Variants in SCP2 observed in about 807,000 individuals in gnomAD.
SCP2 encodes SCP-2/3-oxoacyl-CoA thiolase.
A neutral mutation model predicts 71.4 loss-of-function variants in SCP2; 48 were observed. The observed-to-expected ratio is 0.67, with a 90% CI of 0.53 to 0.86. SCP2 has a LOEUF of 0.86. Ranked by LOEUF, SCP2 falls within the 40% of genes least tolerant of loss-of-function variation. SCP2 has a pLI of 0.00. For synonymous variants in SCP2, 220 were observed against 218.1 expected, an observed-to-expected ratio of 1.01 and a Z score of -0.08; for missense variants, 560 against 655.6, an observed-to-expected ratio of 0.85 and a Z score of 1.59.
At chr1:52,933,936 A>G (rs908391083) in intron 1 of SCP2, among the ~76,000 whole-genome samples, 1 of 152,266 alleles carries the variant, frequency 6.6e-6, no homozygotes, top group African/African-American at 2.4e-5. Context: ...GCACCAAACT[A>G]GTAGTCACTA....
At chr1:52,973,220 C>G (rs2150160566) in intron 6 of SCP2, among the ~76,000 whole-genome samples, 1 of 152,324 alleles carries the variant, frequency 6.6e-6, no homozygotes, top group South Asian at 2.1e-4. Context: ...ATGCTTCATA[C>G]TTTAATCCTC....
intron 13 of SCP2, among the ~76,000 whole-genome samples, chr1:53,030,020 C>T (rs959610873): frequency 5.3e-5 from 8 of 152,102 alleles, no homozygotes; most frequent in African/African-American, 1.4e-4. Context: ...TCCCGAGTAG[C>T]TGGCATTACA....
intron 1 of SCP2, among the ~76,000 whole-genome samples, chr1:52,939,869 C>T (rs1654062167): frequency 6.6e-6 from 1 of 152,028 alleles, no homozygotes; most frequent in Non-Finnish European, 1.5e-5. Flanking sequence ...AGGGTTTCAT[C>T]ATGTTGACCA....
intron 15 of SCP2, chr1:53,050,129 C>T (rs1664111490): frequency 6.2e-6 from 1 of 160,084 alleles, no homozygotes; most frequent in Non-Finnish European, 1.4e-5. Flanking sequence ...GTAACACAAG[C>T]ACCTCATTCT....
At chr1:53,014,146 C>T (rs1661176099) in intron 11 of SCP2, among the ~76,000 whole-genome samples, 1 of 149,984 alleles carries the variant, frequency 6.7e-6, no homozygotes, top group African/African-American at 2.5e-5. Context: ...ACCTCGTGAT[C>T]TGCCCTCCTC....
chr1:53,017,589 A>C (rs369696616), intron 12 of SCP2, among the ~76,000 whole-genome samples: 2 of 152,140 alleles, frequency 1.3e-5, no homozygotes, highest in African/African-American at 4.8e-5. Context: ...TTGCTTACCC[A>C]TTCTTTGGTT....
chr1:52,994,219 G>C (rs1295422027), intron 11 of SCP2: 3 of 1,018,808 alleles, frequency 2.9e-6, no homozygotes, highest in Non-Finnish European at 3.5e-6. Flanking sequence ...TATTCCTGTG[G>C]TATGGTCACT....
chr1:52,987,993 T>C (rs746653218), intron 10 of SCP2, 36 bp from the exon 11 acceptor site: 3 of 1,018,284 alleles, frequency 2.9e-6, no homozygotes, highest in Admixed American at 1.7e-5. Context: ...CTATTGTTAC[T>C]ATTAATATTT....
intron 11 of SCP2, among the ~76,000 whole-genome samples, chr1:52,990,066 A>G (rs1443278922): frequency 1.3e-5 from 2 of 152,222 alleles, no homozygotes; most frequent in African/African-American, 2.4e-5. Flanking sequence ...ATTTAAGGAC[A>G]TCTCTGTCCA....
chr1:52,991,058 A>G (rs1331872211), intron 11 of SCP2, among the ~76,000 whole-genome samples: 1 of 152,176 alleles, frequency 6.6e-6, no homozygotes, highest in African/African-American at 2.4e-5. Flanking sequence ...AAAGTGATAT[A>G]TATGTAAGGG....
chr1:52,955,858 A>G (rs1248724831), intron 5 of SCP2, among the ~76,000 whole-genome samples: 2 of 152,196 alleles, frequency 1.3e-5, no homozygotes, highest in East Asian at 3.8e-4. Context: ...AAGACCGCCA[A>G]AACTAGATTT....
At chr1:53,044,674 T>C (rs1663673511) in intron 14 of SCP2, among the ~76,000 whole-genome samples, 1 of 152,214 alleles carries the variant, frequency 6.6e-6, no homozygotes, top group Non-Finnish European at 1.5e-5. Context: ...TTTGAGCTAA[T>C]TCTTAATGAG....
intron 11 of SCP2, among the ~76,000 whole-genome samples, chr1:53,001,818 C>T (rs1230094840): frequency 6.6e-6 from 1 of 152,158 alleles, no homozygotes; most frequent in Non-Finnish European, 1.5e-5. Context: ...AACTCCTATA[C>T]TTTCTCAGTA....
intron 11 of SCP2, chr1:52,995,131 A>T: frequency 2.0e-6 from 1 of 497,732 alleles, no homozygotes; most frequent in South Asian, 1.6e-5. Context: ...CTTGCAGCTG[A>T]CCCACTCAAT....
intron 11 of SCP2, among the ~76,000 whole-genome samples, chr1:53,000,977 A>C (rs1660280697): frequency 6.6e-6 from 1 of 151,908 alleles, no homozygotes; most frequent in Admixed American, 6.6e-5. Context: ...AAAATTATAT[A>C]TATATATTAC....
chr1:52,973,344 TC>T (rs1657663430), intron 6 of SCP2, among the ~76,000 whole-genome samples: 1 of 119,626 alleles, frequency 8.4e-6, no homozygotes, highest in Non-Finnish European at 1.7e-5. Context: ...AGAAGAACCC[TC>T]TTTTTTTTTT....
intron 9 of SCP2, among the ~76,000 whole-genome samples, chr1:52,979,254 C>G (rs564414965): frequency 6.6e-6 from 1 of 152,192 alleles, no homozygotes; most frequent in Non-Finnish European, 1.5e-5. Flanking sequence ...TCACTGCAAC[C>G]TCTGCCTCCT....
intron 4 of SCP2, among the ~76,000 whole-genome samples, chr1:52,953,527 G>A (rs1046125321): frequency 7.9e-5 from 12 of 151,930 alleles, no homozygotes; most frequent in African/African-American, 2.9e-4. Flanking sequence ...TGTATATTTT[G>A]TAGAGATGGG....
rs754622089 is a variant in SCP2, at chr1:52,974,782, A to G, written c.537A>G (p.Glu179=). ...EHMEKYGTKI[E]HFAKIGWKNH... is the part of the protein sequence containing the mutation. ...CTTTCTTTACAGGAACAAAAATTGA[A>G]CACTTTGCAAAAATTGGATGGAAAA... Residue 179 remains glutamate, a synonymous_variant, in exon 7 of 16, where the codon GAA becomes GAG. Coordinates refer to ENST00000371514, the MANE Select transcript of SCP2 (RefSeq NM_002979.5). 2 of 1,542,882 alleles carry G rather than the reference A, an allele frequency of 1.3e-6. 1 individual carries two copies. Among genetic ancestry groups the G allele is most frequent in the South Asian group, 2.2e-5 (2 of 89,562 alleles).
Sources: allele counts gnomAD v4.1 joint callset (sites outside exome capture counted in the v4.1 genomes callset), GRCh38; gene constraint gnomAD v4.1.1; transcripts MANE v1.5; gene names NCBI Gene and HGNC (gene_info 2026-07-23, HGNC 2026-07-21).